Variants in TRAF4 observed in about 807,000 individuals in gnomAD.
TRAF4 encodes TNF receptor-associated factor 4.
Under a neutral mutation model 47.3 loss-of-function variants are expected in TRAF4, and 9 were observed. The observed-to-expected ratio is 0.19, with a 90% CI of 0.11 to 0.33. The LOEUF is 0.33. Among genes scored for constraint, TRAF4 ranks in the 10% least tolerant of loss-of-function variants. The pLI is 1.00. For missense variants in TRAF4, 448 were observed against 620.3 expected (o/e 0.72, Z 2.95); for synonymous variants, 236 against 236.9 (o/e 1.00, Z 0.04).
In TRAF4 at chr17:28,748,998, G is replaced by T; in HGVS notation, c.834G>T (p.Leu278=). ...RHVEESVKPH[L]AMMCALVSRQ... is the part of the protein sequence containing the mutation. ...TGGAGGAGAGTGTGAAGCCACATCTGGCCATGATGTGTGCCCTGGTGAGCC... is the reference window on the plus strand; with the variant it reads ...TGGAGGAGAGTGTGAAGCCACATCTTGCCATGATGTGTGCCCTGGTGAGCC... The change falls in exon 7 of 7, where the codon CTG becomes CTT. Residue 278 remains leucine (L), a synonymous_variant. Transcript: ENST00000262395. 1 of 1,613,682 alleles carries T rather than the reference G, an allele frequency of 6.2e-7. No individual in the cohort carries two copies. Among genetic ancestry groups the T allele is most frequent in the Non-Finnish European group, 8.5e-7 (1 of 1,180,024 alleles).
chr17:28,747,613 G>A, intron 2 of TRAF4: 1 of 593,654 alleles, frequency 1.7e-6, no homozygotes, highest in Admixed American at 3.0e-5. Flanking sequence ...GATTGAGCAG[G>A]CTGATTGGCT....
chr17:28,747,744 C>A, intron 2 of TRAF4, 99 bp from the exon 3 acceptor site: 1 of 1,173,384 alleles, frequency 8.5e-7, no homozygotes, highest in Non-Finnish European at 1.2e-6. Context: ...GAGGCTATTA[C>A]AGGCTCCAAG....
At position 28,747,888 on chromosome 17, in the gene TRAF4, A is replaced by G. The variant is rs1348303057; in HGVS notation, c.241A>G (p.Ile81Val). 1 of 1,613,896 alleles carries G rather than the reference A, an allele frequency of 6.2e-7. No individual in the cohort carries two copies. Residue 81 changes from isoleucine to valine, a missense_variant, in exon 3 of 7, where the codon ATC (isoleucine) becomes GTC (valine). Coordinates refer to ENST00000262395, the MANE Select transcript of TRAF4 (RefSeq NM_004295.4). ...GGAAGTACAAGTATTGGGCCTGCCT[A>G]TCCGCTGCATCCACAGTGAGGAGGG... ...ELEVQVLGLPIRCIHSEEGCR... is the reference protein window; with the variant it reads ...ELEVQVLGLPVRCIHSEEGCR...
At position 28,750,159 on chromosome 17, in the gene TRAF4, T is replaced by G. The variant is rs182245314; in HGVS notation, c.*582T>G. The G allele has an allele frequency of 2.7e-3, 1,261 of 462,764 alleles. 6 individuals are homozygous for G. The highest frequency in any genetic ancestry group is 0.01 in the South Asian group (315 of 30,138). 28.7% of individuals were successfully genotyped at this position (462,764 alleles called of 1,614,324 possible). The stretch of plus-strand genomic sequence containing the variant: ...AAACTGAAGGCAAAGAAAGGACCAG[T>G]CAGAGAAGGGCCGCTGCCTGGGTCT... On this transcript the variant is annotated 3_prime_UTR_variant, in exon 7 of 7. Coordinates refer to ENST00000262395, the MANE Select transcript of TRAF4 (RefSeq NM_004295.4).
rs769186174 is a variant in TRAF4, at chr17:28,747,164, TC to T, written c.144-46del. 4.4e-6 allele frequency: 7 copies of T among 1,595,318 alleles called. No individual in the cohort carries two copies. In the South Asian group the frequency reaches 7.9e-5, roughly 18 times the overall value. The stretch of plus-strand genomic sequence containing the variant: ...TCAGTGGAGGGGGTGGGGCCAGGCC[TC>T]CCTTTCCCCTAATGAGAAACCTTTT... On this transcript the variant is annotated intron_variant, in intron 1 of 6. Transcript: ENST00000262395.
At chr17:28,745,620 A>G (rs889435987) in intron 1 of TRAF4, 1 of 62,028 alleles carries the variant, frequency 1.6e-5, no homozygotes, top group Non-Finnish European at 3.5e-5. Context: ...CCCTCCCCCC[A>G]TCCTGTCTTC....
Position 28,744,082 on chromosome 17 carries a change from CCCGCTCGCCCGTGCCGG to C in TRAF4, c.-19_-3del, listed in dbSNP as rs1236737251. ...GCTGTGGGGCCGCCGCGTGCCTGGC[CCCGCTCGCCCGTGCCGG>C]CCGCTCGCCCGCCATGCCTGGCTTC... On this transcript the variant is annotated 5_prime_UTR_variant, in exon 1 of 7. Transcript: ENST00000262395. The C allele has an allele frequency of 2.4e-5, 35 of 1,459,048 alleles. No individual in the cohort carries two copies. Among genetic ancestry groups the C allele is most frequent in the Middle Eastern group, 3.9e-4 (2 of 5,104 alleles). The allele number at this position is 1,459,048 out of a possible 1,614,324, so 90.4% of individuals were successfully genotyped here.
At chr17:28,747,136 G>A in intron 1 of TRAF4, 77 bp from the exon 2 acceptor site, 2 of 1,525,480 alleles carry the variant, frequency 1.3e-6, no homozygotes, top group South Asian at 1.2e-5. Flanking sequence ...AAGGGAGGCT[G>A]CCTCAGTGGA....
intron 1 of TRAF4, 80 bp from the exon 2 acceptor site, chr17:28,747,133 G>A (rs1339194626): frequency 5.9e-6 from 9 of 1,518,922 alleles, no homozygotes; most frequent in Non-Finnish European, 5.4e-6. Flanking sequence ...AGGAAGGGAG[G>A]CTGCCTCAGT....
At chr17:28,745,488 C>T (rs922443109) in intron 1 of TRAF4, 1 of 152,142 alleles carries the variant, frequency 6.6e-6, no homozygotes. Flanking sequence ...CCCACCCTGA[C>T]TGCCTCGGGA....
chr17:28,748,125 C>A lies in TRAF4; in HGVS notation c.409C>A (p.Arg137=). 6.2e-7 allele frequency: 1 copy of A among 1,614,040 alleles called. No homozygotes were observed. The change falls in exon 4 of 7, where the codon CGG becomes AGG. Residue 137 remains arginine (R), a synonymous_variant. Coordinates refer to ENST00000262395, the MANE Select transcript of TRAF4 (RefSeq NM_004295.4). ...PAHLQHDCPK[R]RLKCEFCGCD... ...ACACTTGCAGCATGACTGCCCCAAGCGGCGCCTCAAGTGCGAGTTTTGTGG... is the reference window on the plus strand; with the variant it reads ...ACACTTGCAGCATGACTGCCCCAAGAGGCGCCTCAAGTGCGAGTTTTGTGG...
rs759285337 is a variant in TRAF4 at position 28,744,264 on chromosome 17, C to T, written c.143+9C>T. ...CTGCAGGAGTTCCTCAGGTGCTGGC[C>T]GGGGAGCAGGGGACAGCGGGGGCGG... On this transcript the variant is annotated intron_variant, in intron 1 of 6. Transcript: ENST00000262395. The T allele has an allele frequency of 4.3e-6, 2 of 466,152 alleles. No homozygotes were observed. Among genetic ancestry groups the T allele is most frequent in the East Asian group, 8.2e-5 (1 of 12,256 alleles). 28.9% of individuals were successfully genotyped at this position (466,152 alleles called of 1,614,324 possible). A position where few individuals can be genotyped will look rare whatever the true frequency, so the allele number is the denominator to read the frequency against.
chr17:28,750,170 C>T lies in TRAF4; in HGVS notation c.*593C>T. The T allele has an allele frequency of 2.3e-6, 1 of 444,344 alleles. No homozygotes were observed. Among genetic ancestry groups the T allele is most frequent in the South Asian group, 3.5e-5 (1 of 28,390 alleles). 27.5% of individuals were successfully genotyped at this position (444,344 alleles called of 1,614,324 possible). On this transcript the variant is annotated 3_prime_UTR_variant, in exon 7 of 7. Coordinates refer to ENST00000262395, the MANE Select transcript of TRAF4 (RefSeq NM_004295.4). Reference sequence around the variant, plus strand: ...AAAGAAAGGACCAGTCAGAGAAGGGCCGCTGCCTGGGTCTGGCCCCAGGAT... The same window carrying T: ...AAAGAAAGGACCAGTCAGAGAAGGGTCGCTGCCTGGGTCTGGCCCCAGGAT...
chr17:28,748,496 C>A lies in TRAF4; in HGVS notation c.625-15C>A. ...CAGGATATTGACTCCTGCCTCTCTA[C>A]TTCTGTGGCCCCAGAGCCACCAGTA... On this transcript the variant is annotated splice_polypyrimidine_tract_variant and intron_variant, in intron 5 of 6. Transcript: ENST00000262395. 1 of 1,611,826 alleles carries A rather than the reference C, an allele frequency of 6.2e-7. No individual in the cohort carries two copies. The highest frequency in any genetic ancestry group is 8.5e-7 in the Non-Finnish European group (1 of 1,178,694).
chr17:28,747,144 G>C (rs1434063162), intron 1 of TRAF4, 69 bp from the exon 2 acceptor site: 1 of 1,563,500 alleles, frequency 6.4e-7, no homozygotes, highest in African/African-American at 1.4e-5. Flanking sequence ...CTGCCTCAGT[G>C]GAGGGGGTGG....
At position 28,750,669 on chromosome 17, in the gene TRAF4, AAC is replaced by A. The variant is rs1412700913; in HGVS notation, c.*1093_*1094del. 1 of 97,810 alleles carries A rather than the reference AAC, an allele frequency of 1.0e-5. No homozygotes were observed. Among genetic ancestry groups the A allele is most frequent in the African/African-American group, 3.6e-5 (1 of 27,772 alleles). 6.1% of individuals were successfully genotyped at this position (97,810 alleles called of 1,614,324 possible). On this transcript the variant is annotated 3_prime_UTR_variant, in exon 7 of 7. Coordinates refer to ENST00000262395, the MANE Select transcript of TRAF4 (RefSeq NM_004295.4). ...CTCCTGTCTCTCATCGGCTTTTCTTAACGGGCCTCAGTGGGTGCATGTGATTA... is the reference window on the plus strand; with the variant it reads ...CTCCTGTCTCTCATCGGCTTTTCTTAGGGCCTCAGTGGGTGCATGTGATTA...
chr17:28,748,390 C>T lies in TRAF4; in HGVS notation c.591C>T (p.Tyr197=), dbSNP rs766161988. 6 of 1,612,110 alleles carry T rather than the reference C, an allele frequency of 3.7e-6. No homozygotes were observed. In the African/African-American group the frequency reaches 5.3e-5, roughly 14 times the overall value. The part of the protein sequence containing the change: ...ECPKRTQPCT[Y]CTKEFVFDTI... ...CCAAGCGCACTCAGCCCTGCACCTA[C>T]TGCACTAAGGAGTTCGTCTTTGACA... Residue 197 remains tyrosine (Y), a synonymous_variant, in exon 5 of 7, where the codon TAC becomes TAT. Coordinates refer to ENST00000262395, the MANE Select transcript of TRAF4 (RefSeq NM_004295.4).
intron 2 of TRAF4, 166 bp from the exon 3 acceptor site, chr17:28,747,676 CA>C: frequency 1.5e-6 from 1 of 649,734 alleles, no homozygotes; most frequent in Non-Finnish European, 2.6e-6. Context: ...AGCATCAGAG[CA>C]GATGCTGCCT....
In TRAF4 at chr17:28,748,321, C is replaced by T; in HGVS notation, c.522C>T (p.Arg174=). The change falls in exon 5 of 7, where the codon CGC becomes CGT. Residue 174 remains arginine, a synonymous_variant. Transcript: ENST00000262395. The part of the protein sequence containing the change: ...SVYCENKCGA[R]MMRRLLAQHA... ...ACTGTGAGAATAAGTGTGGTGCCCG[C>T]ATGATGCGGCGGCTGCTGGCCCAGC... 4 of 1,613,802 alleles carry T rather than the reference C, an allele frequency of 2.5e-6. No homozygotes were observed. Among genetic ancestry groups the T allele is most frequent in the Non-Finnish European group, 3.4e-6 (4 of 1,179,964 alleles).
Sources: allele counts gnomAD v4.1 joint callset, GRCh38; gene constraint gnomAD v4.1.1; transcripts MANE v1.5; gene names NCBI Gene and HGNC (gene_info 2026-07-23, HGNC 2026-07-21).